Variants in BLTP1 observed in about 807,000 individuals in gnomAD.
The protein encoded by BLTP1 is bridge-like lipid transfer protein family member 1, also known as fragile site-associated protein.
chr4:122,173,865 G>C, the BLTP1 span, among the ~76,000 whole-genome samples: 1 of 152,092 alleles, frequency 6.6e-6, no homozygotes, highest in Non-Finnish European at 1.5e-5. Context: ...TGTGGAAATA[G>C]AAATTTCTTG....
At chr4:122,231,591 A>G in the BLTP1 span, 1 of 886,064 alleles carries the variant, frequency 1.1e-6, no homozygotes, top group Non-Finnish European at 1.4e-6. Flanking sequence ...CTTTAATTTT[A>G]TGCATTCAAG....
the BLTP1 span, chr4:122,177,953 C>T: frequency 1.0e-5 from 2 of 199,412 alleles, no homozygotes; most frequent in South Asian, 3.5e-4. Flanking sequence ...GAAGCAAACT[C>T]TGTAAATGGT....
At chr4:122,259,374 G>A in the BLTP1 span, among the ~76,000 whole-genome samples, 2,803 of 152,288 alleles carry the variant, frequency 0.018, 33 homozygotes, top group Non-Finnish European at 0.03. Context: ...CTTGGTGTAA[G>A]ATGGAGATTA....
At chr4:122,355,264 C>T in the BLTP1 span, among the ~76,000 whole-genome samples, 1 of 152,000 alleles carries the variant, frequency 6.6e-6, no homozygotes, top group East Asian at 1.9e-4. Flanking sequence ...CTTTATAAAA[C>T]TAAGACTCTA....
At chr4:122,266,438 C>T in the BLTP1 span, among the ~76,000 whole-genome samples, 254 of 150,104 alleles carry the variant, frequency 1.7e-3, no homozygotes, top group African/African-American at 6.2e-3. Flanking sequence ...TAAATGGAAA[C>T]ACAATAGGAA....
At chr4:122,212,756 A>T in the BLTP1 span, among the ~76,000 whole-genome samples, 3 of 152,164 alleles carry the variant, frequency 2.0e-5, no homozygotes, top group Non-Finnish European at 2.9e-5. Context: ...CTGATAGGTT[A>T]TTGTTTTCAT....
At chr4:122,294,797 G>C in the BLTP1 span, among the ~76,000 whole-genome samples, 2 of 152,194 alleles carry the variant, frequency 1.3e-5, no homozygotes, top group Non-Finnish European at 2.9e-5. Context: ...GGCTTCAGAA[G>C]GTGGGTAATA....
At chr4:122,180,773 T>G in the BLTP1 span, among the ~76,000 whole-genome samples, 1 of 152,266 alleles carries the variant, frequency 6.6e-6, no homozygotes, top group Admixed American at 6.5e-5. Context: ...ATTACAATTC[T>G]GAGAATCAAT....
the BLTP1 span, chr4:122,189,978 T>A: frequency 6.2e-7 from 1 of 1,606,976 alleles, no homozygotes; most frequent in Non-Finnish European, 8.5e-7. Flanking sequence ...TTTAGTTTGC[T>A]TTCCCCTCCA....
chr4:122,359,723 G>T, the BLTP1 span: 1 of 1,606,046 alleles, frequency 6.2e-7, no homozygotes, highest in Non-Finnish European at 8.5e-7. Flanking sequence ...CTACTCTTAG[G>T]TAAGTAATGA....
the BLTP1 span, among the ~76,000 whole-genome samples, chr4:122,309,872 G>A: frequency 6.6e-6 from 1 of 152,020 alleles, no homozygotes; most frequent in Admixed American, 6.6e-5. Context: ...ATATTGACGT[G>A]AATAAATCCA....
chr4:122,341,771 G>A, the BLTP1 span: 1 of 985,298 alleles, frequency 1.0e-6, no homozygotes, highest in South Asian at 4.7e-5. Flanking sequence ...AGTAGATGTG[G>A]TCCATACTTA....
At chr4:122,167,920 A>G in the BLTP1 span, 261 of 982,734 alleles carry the variant, frequency 2.7e-4, no homozygotes, top group Middle Eastern at 4.2e-3. Flanking sequence ...AGATTTTGCA[A>G]TAGATTACCA....
the BLTP1 span, chr4:122,187,126 TG>T: frequency 1.0e-6 from 1 of 984,392 alleles, no homozygotes; most frequent in Non-Finnish European, 1.2e-6. Context: ...ATGGGCAAAA[TG>T]GTAGATGTAA....
At chr4:122,152,858 T>C in the BLTP1 span, 2 of 417,244 alleles carry the variant, frequency 4.8e-6, no homozygotes, top group Non-Finnish European at 6.4e-6. Flanking sequence ...GGTAAGGCGC[T>C]CCACTTGCTG....
chr4:122,237,495 G>A, the BLTP1 span: 4 of 515,426 alleles, frequency 7.8e-6, no homozygotes, highest in South Asian at 3.4e-4. Context: ...TGAACTTTTA[G>A]AGCAAAAGGG....
the BLTP1 span, chr4:122,161,089 A>G: frequency 1.0e-6 from 1 of 960,860 alleles, no homozygotes; most frequent in Non-Finnish European, 1.2e-6. Flanking sequence ...TGATGAAGAG[A>G]GTGTATGTTG....
At chr4:122,170,447 G>A in the BLTP1 span, 2 of 953,394 alleles carry the variant, frequency 2.1e-6, no homozygotes, top group Non-Finnish European at 1.2e-6. Context: ...TTACATTTTA[G>A]TAGAAATGTG....
chr4:122,153,895 A>G, the BLTP1 span: 1 of 559,398 alleles, frequency 1.8e-6, no homozygotes. Flanking sequence ...AAGGAAACGT[A>G]ATATTGGACT....
Sources: allele counts gnomAD v4.1 joint callset (sites outside exome capture counted in the v4.1 genomes callset), GRCh38; gene constraint gnomAD v4.1.1; transcripts MANE v1.5; gene names NCBI Gene and HGNC (gene_info 2026-07-23, HGNC 2026-07-21).